Variants in RBPJ observed in about 807,000 individuals in gnomAD.
RBPJ encodes recombination signal binding protein for immunoglobulin kappa J region.
Under a neutral mutation model 67.8 loss-of-function variants are expected in RBPJ, and 9 were observed. That is an observed-to-expected ratio of 0.13 (90% CI 0.08 to 0.23). RBPJ has a LOEUF of 0.23. RBPJ is among the 10% of genes least tolerant of loss of function. The pLI, the probability that RBPJ is intolerant of heterozygous loss-of-function variation, is 1.00. For missense variants in RBPJ, 305 were observed against 595.6 expected (o/e 0.51, Z 5.08); for synonymous variants, 198 against 203.3 (o/e 0.97, Z 0.22).
intron 1 of RBPJ, among the ~76,000 whole-genome samples, chr4:26,252,249 T>C (rs904596617): frequency 1.3e-5 from 2 of 152,156 alleles, no homozygotes; most frequent in Non-Finnish European, 2.9e-5. Flanking sequence ...TAACTAGATT[T>C]GTGTGACTTT....
At chr4:26,394,120 G>A (rs990406923) in intron 2 of RBPJ, among the ~76,000 whole-genome samples, 3 of 151,178 alleles carry the variant, frequency 2.0e-5, no homozygotes, top group Non-Finnish European at 2.9e-5. Flanking sequence ...TCGGCTTCCC[G>A]GGTTCGCGCC....
At chr4:26,224,887 T>C (rs192145616) in intron 1 of RBPJ, among the ~76,000 whole-genome samples, 1 of 152,326 alleles carries the variant, frequency 6.6e-6, no homozygotes, top group East Asian at 1.9e-4. Context: ...AAGGAATTCC[T>C]GTCCCATCTG....
intron 2 of RBPJ, among the ~76,000 whole-genome samples, chr4:26,394,065 T>C (rs1437215209): frequency 7.3e-5 from 11 of 151,482 alleles, no homozygotes; most frequent in Non-Finnish European, 1.3e-4. Context: ...CTCACTCTGT[T>C]GCCCAGGCTG....
chr4:26,150,393 C>T, the RBPJ span, among the ~76,000 whole-genome samples: 2 of 152,234 alleles, frequency 1.3e-5, no homozygotes, highest in Non-Finnish European at 2.9e-5. Flanking sequence ...TTTTCACCCC[C>T]ACTGGGTGCA....
rs1736181057 is a variant in RBPJ, at chr4:26,431,132, A to T, written c.*125A>T. 1.5e-6 allele frequency: 1 copy of T among 681,490 alleles called. No homozygotes were observed. The highest frequency in any genetic ancestry group is 2.4e-6 in the Non-Finnish European group (1 of 421,326). The allele number at this position is 681,490 out of a possible 1,614,324, so 42.2% of individuals were successfully genotyped here. ...CTTTTCATACCAGGTGATACTATTCAAAAACCCCGTTGTCTCCCTGCAAGT... is the reference window on the plus strand; with the variant it reads ...CTTTTCATACCAGGTGATACTATTCTAAAACCCCGTTGTCTCCCTGCAAGT... On this transcript the variant is annotated 3_prime_UTR_variant, in exon 11 of 11. Coordinates refer to ENST00000355476, the MANE Select transcript of RBPJ (RefSeq NM_015874.6).
intron 2 of RBPJ, among the ~76,000 whole-genome samples, chr4:26,395,210 A>G (rs1731994886): frequency 1.3e-5 from 2 of 152,136 alleles, no homozygotes; most frequent in African/African-American, 2.4e-5. Context: ...TAATCCCAGC[A>G]TTTTGGGTGG....
At chr4:26,246,741 C>G (rs971603324) in intron 1 of RBPJ, among the ~76,000 whole-genome samples, 1 of 152,150 alleles carries the variant, frequency 6.6e-6, no homozygotes, top group African/African-American at 2.4e-5. Context: ...ACAGTTCTCT[C>G]TCTATAGCCT....
At chr4:26,427,814 A>C (rs979452085) in intron 7 of RBPJ, among the ~76,000 whole-genome samples, 4 of 152,114 alleles carry the variant, frequency 2.6e-5, no homozygotes, top group Admixed American at 6.5e-5. Flanking sequence ...TTGAGATGAG[A>C]GATAGTTATG....
At chr4:26,190,694 A>G (rs1201806450) in intron 1 of RBPJ, among the ~76,000 whole-genome samples, 2 of 152,180 alleles carry the variant, frequency 1.3e-5, no homozygotes, top group Non-Finnish European at 2.9e-5. Context: ...TTCCTTGAAT[A>G]CAGGGGACCC....
At chr4:26,350,358 A>G (rs536841388) in intron 1 of RBPJ, among the ~76,000 whole-genome samples, 7 of 152,100 alleles carry the variant, frequency 4.6e-5, no homozygotes, top group African/African-American at 1.4e-4. Context: ...AGAAAAATAC[A>G]TTTTGGTTTA....
chr4:26,262,770 G>C (rs942041152), intron 1 of RBPJ, among the ~76,000 whole-genome samples: 1 of 152,034 alleles, frequency 6.6e-6, no homozygotes, highest in Non-Finnish European at 1.5e-5. Context: ...CCAACAGTTG[G>C]GACATCCCTT....
chr4:26,299,585 G>T (rs1722002217), intron 1 of RBPJ, among the ~76,000 whole-genome samples: 1 of 149,324 alleles, frequency 6.7e-6, no homozygotes, highest in South Asian at 2.2e-4. Context: ...CATATAAATT[G>T]TATTAAGTTT....
chr4:26,121,873 CTTTTTTTTTT>C, the RBPJ span, among the ~76,000 whole-genome samples: 4 of 94,108 alleles, frequency 4.3e-5, no homozygotes, highest in Non-Finnish European at 8.2e-5. Flanking sequence ...GAGTATCTCT[CTTTTTTTTTT>C]TTTTTTTTTT....
intron 1 of RBPJ, among the ~76,000 whole-genome samples, chr4:26,300,415 G>A (rs552802106): frequency 7.2e-5 from 11 of 152,158 alleles, no homozygotes; most frequent in African/African-American, 2.4e-4. Flanking sequence ...AAAGACCTTC[G>A]TATCTACATA....
chr4:26,262,277 A>G (rs1362311751), intron 1 of RBPJ, among the ~76,000 whole-genome samples: 2 of 151,748 alleles, frequency 1.3e-5, no homozygotes, highest in Non-Finnish European at 2.9e-5. Flanking sequence ...GTCTCACTAT[A>G]TTGCCCAGGC....
At position 26,215,354 on chromosome 4, in the gene RBPJ, A is replaced by AG. The variant is rs1560214746; in HGVS notation, c.-167+51741dup. 2.9e-3 allele frequency among the ~76,000 whole-genome samples: 225 copies of AG among 76,734 alleles called. 2 individuals carry two copies. The highest frequency in any genetic ancestry group is 3.8e-3 in the Non-Finnish European group (152 of 39,580). 50.3% of individuals were successfully genotyped at this position (76,734 alleles called of 152,430 possible). A position where few individuals can be genotyped will look rare whatever the true frequency, so the allele number is the denominator to read the frequency against. ...AAGAGAGAGAGAAAGAAAGAAAAAA[A>AG]GAAGGAAGGAAGGAAGGAAGAAGGG... On this transcript the variant is annotated intron_variant, in intron 1 of 4. Coordinates refer to the RBPJ transcript ENST00000512351.
intron 1 of RBPJ, among the ~76,000 whole-genome samples, chr4:26,246,651 A>G (rs1719936818): frequency 6.6e-6 from 1 of 152,228 alleles, no homozygotes. Context: ...ACCAGCAAAT[A>G]TGCTATTATT....
At chr4:26,270,052 C>A (rs558693029) in intron 1 of RBPJ, among the ~76,000 whole-genome samples, 1 of 151,876 alleles carries the variant, frequency 6.6e-6, no homozygotes, top group African/African-American at 2.4e-5. Flanking sequence ...GAGGCTGAGG[C>A]AGGCGGATCA....
intron 1 of RBPJ, among the ~76,000 whole-genome samples, chr4:26,210,700 T>C (rs55690042): frequency 0.36 from 22,578 of 62,060 alleles, 3,863 homozygotes; most frequent in Middle Eastern, 0.54. Flanking sequence ...TCTTTCTTTC[T>C]TTCTTTCCTT....
Sources: allele counts gnomAD v4.1 joint callset (sites outside exome capture counted in the v4.1 genomes callset), GRCh38; gene constraint gnomAD v4.1.1; transcripts MANE v1.5; gene names NCBI Gene and HGNC (gene_info 2026-07-23, HGNC 2026-07-21).